The following MARCHF1 variants were observed in gnomAD, a reference collection of about 807,000 sequenced individuals.
MARCHF1 encodes membrane associated ring-CH-type finger 1.
Under a neutral mutation model 54.2 loss-of-function variants are expected in MARCHF1, and 40 were observed. The ratio of observed to expected loss-of-function variants is 0.74; its 90% confidence interval spans 0.57 to 0.96. The LOEUF is 0.96. Among genes scored for constraint, MARCHF1 ranks in the 40% least tolerant of loss-of-function variants. MARCHF1 has a pLI of 0.00. For missense variants in MARCHF1, 586 were observed against 656.5 expected, an observed-to-expected ratio of 0.89 and a Z score of 1.17; for synonymous variants, 236 against 236.3, an observed-to-expected ratio of 1.00 and a Z score of 0.01.
At chr4:164,250,703 A>G (rs1465761468) in intron 1 of MARCHF1, among the ~76,000 whole-genome samples, 1 of 152,134 alleles carries the variant, frequency 6.6e-6, no homozygotes, top group Admixed American at 6.6e-5. Flanking sequence ...ATCTGTTACA[A>G]CTAAAGCAAT....
At chr4:163,646,339 C>T (rs746279666) in intron 5 of MARCHF1, among the ~76,000 whole-genome samples, 3 of 152,062 alleles carry the variant, frequency 2.0e-5, no homozygotes, top group Non-Finnish European at 2.9e-5. Flanking sequence ...CTAGACAAAG[C>T]TGAGAGTGTT....
intron 5 of MARCHF1, among the ~76,000 whole-genome samples, chr4:163,618,747 T>G (rs1231922390): frequency 6.6e-6 from 1 of 152,156 alleles, no homozygotes; most frequent in Non-Finnish European, 1.5e-5. Context: ...ACATGATAGA[T>G]AATATGATAT....
chr4:163,980,694 T>C (rs1436067229), intron 3 of MARCHF1, among the ~76,000 whole-genome samples: 1 of 152,198 alleles, frequency 6.6e-6, no homozygotes, highest in Non-Finnish European at 1.5e-5. Flanking sequence ...CAGAAATCAC[T>C]TCTTCCAAAA....
chr4:164,299,181 T>C (rs912464483), intron 1 of MARCHF1, among the ~76,000 whole-genome samples: 3 of 152,166 alleles, frequency 2.0e-5, no homozygotes, highest in Non-Finnish European at 4.4e-5. Flanking sequence ...GTTCTGGGCT[T>C]TGTGCAAGGA....
At chr4:163,891,982 A>G (rs1342922657) in intron 3 of MARCHF1, among the ~76,000 whole-genome samples, 1 of 152,202 alleles carries the variant, frequency 6.6e-6, no homozygotes, top group Non-Finnish European at 1.5e-5. Flanking sequence ...GAGGCACTAA[A>G]AAGTCTCAAT....
At chr4:164,120,549 C>T (rs960015715) in intron 1 of MARCHF1, among the ~76,000 whole-genome samples, 3 of 152,030 alleles carry the variant, frequency 2.0e-5, no homozygotes, top group Non-Finnish European at 2.9e-5. Flanking sequence ...TTCCTCAGCA[C>T]GTGGATCATT....
chr4:163,788,912 T>A (rs1184779245), intron 4 of MARCHF1, among the ~76,000 whole-genome samples: 1 of 152,046 alleles, frequency 6.6e-6, no homozygotes, highest in Admixed American at 6.6e-5. Flanking sequence ...TAATAAATAT[T>A]TGAGAGAAAA....
At chr4:164,152,993 T>C (rs1729984298) in intron 1 of MARCHF1, among the ~76,000 whole-genome samples, 1 of 152,062 alleles carries the variant, frequency 6.6e-6, no homozygotes, top group Non-Finnish European at 1.5e-5. Flanking sequence ...AAAATCAAGC[T>C]GTACCCTACA....
rs1176036654 is a variant in MARCHF1 at position 163,823,206 on chromosome 4, G to A, written c.111+30815C>T. ...TGACATTTGTGTCAGAAAAACAATA[G>A]TTATACAATTCTAATTGCTTTTCCA... On this transcript the variant is annotated intron_variant, in intron 4 of 9. Coordinates refer to ENST00000514618, the MANE Select transcript of MARCHF1 (RefSeq NM_001394959.1). Among the ~76,000 whole-genome samples, 3 of 151,764 alleles carry A rather than the reference G, an allele frequency of 2.0e-5. No homozygotes were observed. The East Asian group carries it at 5.8e-4, about 29-fold the overall frequency.
chr4:163,899,925 C>G (rs1750902170), intron 3 of MARCHF1, among the ~76,000 whole-genome samples: 1 of 151,568 alleles, frequency 6.6e-6, no homozygotes, highest in Non-Finnish European at 1.5e-5. Context: ...CCAAGTTAGG[C>G]CTTTGCAATG....
At chr4:164,134,794 C>T (rs993783405) in intron 1 of MARCHF1, among the ~76,000 whole-genome samples, 5 of 148,584 alleles carry the variant, frequency 3.4e-5, no homozygotes, top group African/African-American at 9.9e-5. Context: ...TAAAAAAATA[C>T]GAGATTCAAA....
chr4:163,778,154 T>G (rs1417586015), intron 4 of MARCHF1, among the ~76,000 whole-genome samples: 1 of 127,166 alleles, frequency 7.9e-6, no homozygotes, highest in East Asian at 3.8e-4. Flanking sequence ...CACAGTTTTC[T>G]TATCTATTTA....
At chr4:163,801,569 AATCTT>A (rs1232511760) in intron 4 of MARCHF1, among the ~76,000 whole-genome samples, 6 of 152,068 alleles carry the variant, frequency 3.9e-5, no homozygotes, top group African/African-American at 1.4e-4. Context: ...AATGTGTACT[AATCTT>A]AAGTATAAAG....
chr4:163,678,313 T>C (rs1561013882), intron 5 of MARCHF1, among the ~76,000 whole-genome samples: 1 of 152,226 alleles, frequency 6.6e-6, no homozygotes. Context: ...GTATACATTA[T>C]GATTAAATAA....
At chr4:163,629,853 GTA>G (rs1284507656) in intron 5 of MARCHF1, among the ~76,000 whole-genome samples, 1 of 152,056 alleles carries the variant, frequency 6.6e-6, no homozygotes, top group Non-Finnish European at 1.5e-5. Context: ...TTTCTAATGA[GTA>G]TATAAAAAGT....
intron 1 of MARCHF1, among the ~76,000 whole-genome samples, chr4:164,241,868 AT>A (rs1220441415): frequency 6.6e-6 from 1 of 152,188 alleles, no homozygotes; most frequent in Non-Finnish European, 1.5e-5. Flanking sequence ...GGGGTGACGG[AT>A]GGCACCTGGA....
intron 4 of MARCHF1, among the ~76,000 whole-genome samples, chr4:163,733,256 T>TAC (rs568650361): frequency 0.063 from 2,740 of 43,150 alleles, 451 homozygotes; most frequent in East Asian, 0.25. Context: ...TGTATATATA[T>TAC]ATACACACAC....
At chr4:163,728,782 A>T (rs1745744420) in intron 4 of MARCHF1, among the ~76,000 whole-genome samples, 1 of 152,182 alleles carries the variant, frequency 6.6e-6, no homozygotes, top group African/African-American at 2.4e-5. Flanking sequence ...AATCAACATA[A>T]TTTTGTTTCC....
At chr4:163,928,149 G>A (rs928073328) in intron 3 of MARCHF1, among the ~76,000 whole-genome samples, 1 of 151,826 alleles carries the variant, frequency 6.6e-6, no homozygotes, top group African/African-American at 2.4e-5. Flanking sequence ...AGAAAAAATG[G>A]AAAGAAAGTG....
Sources: gnomAD v4.1 joint callset for allele counts (sites outside exome capture counted in the v4.1 genomes callset) on GRCh38, gnomAD v4.1.1 for gene constraint, MANE v1.5 for transcripts, NCBI Gene and HGNC (gene_info 2026-07-23, HGNC 2026-07-21) for gene names.